GRB10: variants seen among roughly 807,000 people sequenced by gnomAD.
GRB10 encodes growth factor receptor-bound protein 10.
GRB10 carries 20 observed loss-of-function variants against 80.9 expected under a neutral mutation model. The observed-to-expected ratio is 0.25, with a 90% CI of 0.17 to 0.36. The LOEUF is 0.36. Ranked by LOEUF, GRB10 falls within the 10% of genes least tolerant of loss-of-function variation. GRB10 has a pLI of 1.00. For synonymous variants in GRB10, 291 were observed against 291.5 expected (o/e 1.00, Z 0.02); for missense variants, 548 against 747.7 (o/e 0.73, Z 3.12).
At chr7:50,709,151 C>T (rs1447777556) in intron 4 of GRB10, among the ~76,000 whole-genome samples, 3 of 152,180 alleles carry the variant, frequency 2.0e-5, no homozygotes, top group Admixed American at 2.0e-4. Context: ...CAGAACAAGC[C>T]CATCCAGCAA....
chr7:50,640,972 C>CA (rs1166093739), intron 7 of GRB10, among the ~76,000 whole-genome samples: 1 of 152,142 alleles, frequency 6.6e-6, no homozygotes, highest in East Asian at 1.9e-4. Context: ...CCTGGAGCCT[C>CA]AGTTTTTCAC....
chr7:50,721,768 G>A (rs1188196775), intron 4 of GRB10, among the ~76,000 whole-genome samples: 1 of 152,166 alleles, frequency 6.6e-6, no homozygotes, highest in Non-Finnish European at 1.5e-5. Context: ...GGGTGGCTGA[G>A]GATGGGGGAG....
chr7:50,695,136 G>A (rs73349015), intron 5 of GRB10, among the ~76,000 whole-genome samples: 8,990 of 152,098 alleles, frequency 0.059, 350 homozygotes, highest in East Asian at 0.17. Flanking sequence ...ACACTGCCTC[G>A]TCCTCAAAGA....
intron 1 of GRB10, among the ~76,000 whole-genome samples, chr7:50,781,872 G>A (rs1472732084): frequency 2.0e-5 from 3 of 152,256 alleles, no homozygotes; most frequent in Non-Finnish European, 4.4e-5. Flanking sequence ...GCACCTTCCA[G>A]GGAGAAAGAG....
chr7:50,697,480 G>C (rs2063584497), intron 5 of GRB10, among the ~76,000 whole-genome samples: 1 of 152,166 alleles, frequency 6.6e-6, no homozygotes, highest in Non-Finnish European at 1.5e-5. Context: ...TTAGGAACAA[G>C]GTAATAAAAC....
At chr7:50,674,310 T>C in intron 6 of GRB10, 126 bp downstream of exon 6, 1 of 918,348 alleles carries the variant, frequency 1.1e-6, no homozygotes, top group South Asian at 1.4e-5. Flanking sequence ...CAAAGCAATG[T>C]ATCTGCCTCT....
chr7:50,635,476 A>C (rs1039922882), intron 7 of GRB10, among the ~76,000 whole-genome samples: 3 of 152,138 alleles, frequency 2.0e-5, no homozygotes, highest in Admixed American at 2.0e-4. Flanking sequence ...AACTAAAAAA[A>C]CAAGAACAAA....
intron 3 of GRB10, among the ~76,000 whole-genome samples, chr7:50,734,969 G>A (rs1401146063): frequency 6.6e-6 from 1 of 152,176 alleles, no homozygotes; most frequent in East Asian, 1.9e-4. Context: ...ACTGAGACAA[G>A]AAAAAGAAAT....
At chr7:50,718,580 A>G (rs1197507917) in intron 4 of GRB10, among the ~76,000 whole-genome samples, 2 of 152,182 alleles carry the variant, frequency 1.3e-5, no homozygotes, top group African/African-American at 2.4e-5. Context: ...GGGACTCTCC[A>G]GCCTGGGTCT....
intron 7 of GRB10, among the ~76,000 whole-genome samples, chr7:50,639,600 G>C (rs904821910): frequency 6.6e-6 from 1 of 152,076 alleles, no homozygotes; most frequent in Non-Finnish European, 1.5e-5. Context: ...GTGAACCGGG[G>C]AGGCGGAGCT....
intron 5 of GRB10, among the ~76,000 whole-genome samples, chr7:50,681,978 A>T (rs1357364473): frequency 7.2e-5 from 11 of 152,164 alleles, no homozygotes; most frequent in Non-Finnish European, 1.3e-4. Flanking sequence ...ATGAATCCTG[A>T]GTGTGTCAGG....
chr7:50,619,037 A>G lies in GRB10; in HGVS notation c.777+133T>C, dbSNP rs78295378. The G allele has an allele frequency of 8.3e-3, 5,772 of 692,364 alleles. 218 individuals carry two copies. The African/African-American group carries it at 0.087, about 10-fold the overall frequency. 42.9% of individuals were successfully genotyped at this position (692,364 alleles called of 1,614,324 possible). A position where few individuals can be genotyped will look rare whatever the true frequency, so the allele number is the denominator to read the frequency against. ...CAAGCAAGGACTGCTTCATTAAACT[A>G]CAACTCTGATTCTCAAACCCATATG... is the stretch of plus-strand genomic sequence containing the variant. On this transcript the variant is annotated intron_variant, in intron 9 of 18. Transcript: ENST00000401949.
At chr7:50,613,895 T>C (rs995024128) in intron 12 of GRB10, among the ~76,000 whole-genome samples, 1 of 152,196 alleles carries the variant, frequency 6.6e-6, no homozygotes, top group African/African-American at 2.4e-5. Flanking sequence ...GCTTGGGCTA[T>C]GGCTCATAAG....
At chr7:50,732,759 A>C (rs2070063173) in intron 3 of GRB10, among the ~76,000 whole-genome samples, 2 of 152,206 alleles carry the variant, frequency 1.3e-5, no homozygotes, top group African/African-American at 4.8e-5. Context: ...AATTCCAAAG[A>C]AGCCCAGAAG....
intron 5 of GRB10, among the ~76,000 whole-genome samples, chr7:50,693,503 A>C (rs997374602): frequency 4.6e-5 from 7 of 152,224 alleles, no homozygotes; most frequent in African/African-American, 1.7e-4. Context: ...AAACAGCCGT[A>C]ATGGGTTGGA....
At chr7:50,691,801 G>C (rs1197785980) in intron 5 of GRB10, among the ~76,000 whole-genome samples, 2 of 152,130 alleles carry the variant, frequency 1.3e-5, no homozygotes, top group African/African-American at 4.8e-5. Context: ...TAGTGTCTGG[G>C]GTGGGGGCAG....
At chr7:50,611,569 G>C (rs905319511) in intron 13 of GRB10, among the ~76,000 whole-genome samples, 4 of 152,184 alleles carry the variant, frequency 2.6e-5, no homozygotes, top group Non-Finnish European at 4.4e-5. Context: ...CTTTTGGTTT[G>C]GGCCCCAGCA....
chr7:50,599,111 C>T (rs1303449263), intron 17 of GRB10, among the ~76,000 whole-genome samples: 2 of 151,464 alleles, frequency 1.3e-5, no homozygotes, highest in East Asian at 2.0e-4. Context: ...AGGAAGCAGG[C>T]GGCAAATTCA....
At chr7:50,623,792 T>C (rs1229737730) in intron 8 of GRB10, among the ~76,000 whole-genome samples, 1 of 152,224 alleles carries the variant, frequency 6.6e-6, no homozygotes, top group Non-Finnish European at 1.5e-5. Context: ...TCCCTTATCC[T>C]AAATGCCTGG....
Sources: allele counts gnomAD v4.1 joint callset (sites outside exome capture counted in the v4.1 genomes callset), GRCh38; gene constraint gnomAD v4.1.1; transcripts MANE v1.5; gene names NCBI Gene and HGNC (gene_info 2026-07-23, HGNC 2026-07-21).